Variants in KHDRBS3 observed in about 807,000 individuals in gnomAD.
KHDRBS3 encodes the protein KH domain-containing, RNA-binding, signal transduction-associated protein 3.
Under a neutral mutation model 45.6 loss-of-function variants are expected in KHDRBS3, and 23 were observed. The observed-to-expected ratio is 0.50, with a 90% CI of 0.36 to 0.72. KHDRBS3 has a LOEUF of 0.72. KHDRBS3 is among the 30% of genes least tolerant of loss of function. The probability of loss-of-function intolerance (pLI) is 0.00; values close to 1 mark genes in which losing one functional copy is unlikely to be tolerated. For synonymous variants in KHDRBS3, 162 were observed against 156.5 expected, an observed-to-expected ratio of 1.04 and a Z score of -0.26; for missense variants, 352 against 424.8, an observed-to-expected ratio of 0.83 and a Z score of 1.51.
intron 1 of KHDRBS3, among the ~76,000 whole-genome samples, chr8:135,469,826 C>G (rs1482261873): frequency 6.6e-6 from 1 of 152,164 alleles, no homozygotes; most frequent in East Asian, 1.9e-4. Flanking sequence ...CGCGCCCGGC[C>G]AGGACCACCT....
chr8:135,649,891 G>A (rs1020940946), downstream of KHDRBS3, among the ~76,000 whole-genome samples: 2 of 152,026 alleles, frequency 1.3e-5, no homozygotes, highest in Non-Finnish European at 2.9e-5. Flanking sequence ...ACCCAGAAAG[G>A]CCCAGATCAC....
intron 1 of KHDRBS3, among the ~76,000 whole-genome samples, chr8:135,501,421 G>C (rs1348275023): frequency 6.6e-6 from 1 of 152,132 alleles, no homozygotes; most frequent in African/African-American, 2.4e-5. Flanking sequence ...TTGTTTCTAT[G>C]AGTTGCAAAA....
chr8:135,474,170 G>A (rs915572200), intron 1 of KHDRBS3, among the ~76,000 whole-genome samples: 11 of 147,452 alleles, frequency 7.5e-5, no homozygotes, highest in Admixed American at 4.0e-4. Context: ...GAGTTTTGCC[G>A]TCTGTTTGAA....
chr8:135,605,484 T>C (rs576564966), intron 6 of KHDRBS3, among the ~76,000 whole-genome samples: 2 of 152,270 alleles, frequency 1.3e-5, no homozygotes, highest in South Asian at 4.1e-4. Flanking sequence ...TTGGTTCTTT[T>C]TTATGTTTTC....
intron 1 of KHDRBS3, among the ~76,000 whole-genome samples, chr8:135,499,327 A>G (rs1056670513): frequency 1.3e-5 from 2 of 152,196 alleles, no homozygotes; most frequent in Non-Finnish European, 2.9e-5. Flanking sequence ...TTTTGTCAAT[A>G]AAGAAACAGA....
chr8:135,590,617 A>G (rs1431090357), intron 6 of KHDRBS3, among the ~76,000 whole-genome samples: 1 of 152,226 alleles, frequency 6.6e-6, no homozygotes, highest in Non-Finnish European at 1.5e-5. Flanking sequence ...TTAATTGAAA[A>G]GTAAGTTACA....
At chr8:135,549,803 G>A (rs1423638326) in intron 4 of KHDRBS3, 5 of 152,158 alleles carry the variant, frequency 3.3e-5, no homozygotes, top group Non-Finnish European at 5.9e-5. Flanking sequence ...TATTATCTGT[G>A]AGGAAAACAA....
chr8:135,516,658 G>C (rs1458737895), intron 1 of KHDRBS3, among the ~76,000 whole-genome samples: 1 of 151,588 alleles, frequency 6.6e-6, no homozygotes, highest in Non-Finnish European at 1.5e-5. Flanking sequence ...TCCTCATTTT[G>C]TGCAGTAGCC....
At chr8:135,488,991 T>C (rs1053173955) in intron 1 of KHDRBS3, among the ~76,000 whole-genome samples, 1 of 152,212 alleles carries the variant, frequency 6.6e-6, no homozygotes, top group African/African-American at 2.4e-5. Context: ...CTTCTGTATT[T>C]TTCTGAAAAA....
intron 2 of KHDRBS3, chr8:135,539,067 G>A (rs540181829): frequency 6.6e-6 from 1 of 152,274 alleles, no homozygotes; most frequent in South Asian, 2.1e-4. Context: ...TTTCCCTCTA[G>A]CAGTATTTTT....
intron 2 of KHDRBS3, among the ~76,000 whole-genome samples, chr8:135,536,884 C>T (rs1029997786): frequency 3.0e-4 from 42 of 141,630 alleles, no homozygotes; most frequent in Non-Finnish European, 3.3e-4. Flanking sequence ...GGCATGAACC[C>T]GGGAAGCGGA....
rs144620171 is a variant in KHDRBS3 at position 135,612,699 on chromosome 8, A to G, written c.890+5662A>G. ...TCACTTGGCCTCCTTTTAGAGTACA[A>G]AGCTGTTCTGCAGATGTTCTTTGAC... is the stretch of plus-strand genomic sequence containing the variant. On this transcript the variant is annotated intron_variant, in intron 7 of 8. Transcript: ENST00000355849. 2.4e-3 allele frequency among the ~76,000 whole-genome samples: 368 copies of G among 151,934 alleles called. 3 individuals carry two copies. The highest frequency in any genetic ancestry group is 6.8e-3 in the Middle Eastern group (2 of 294).
At chr8:135,602,770 C>T (rs1311075722) in intron 6 of KHDRBS3, among the ~76,000 whole-genome samples, 6 of 152,126 alleles carry the variant, frequency 3.9e-5, no homozygotes, top group African/African-American at 7.2e-5. Context: ...CTTTCTGTTT[C>T]GTGCCCTCAC....
chr8:135,535,495 A>G (rs192428053), intron 2 of KHDRBS3, among the ~76,000 whole-genome samples: 36 of 150,488 alleles, frequency 2.4e-4, no homozygotes, highest in Admixed American at 8.0e-4. Context: ...TGTAGAATAT[A>G]GTTTGTTCTG....
intron 1 of KHDRBS3, among the ~76,000 whole-genome samples, chr8:135,489,697 A>G (rs184639244): frequency 1.2e-4 from 19 of 152,322 alleles, no homozygotes; most frequent in African/African-American, 4.3e-4. Context: ...ACAACAACAA[A>G]AAGTAAAACT....
Position 135,640,505 on chromosome 8 carries a change from TC to T in KHDRBS3, c.891-4552del, listed in dbSNP as rs1332564270. On this transcript the variant is annotated intron_variant, in intron 7 of 8. Transcript: ENST00000355849. ...ACTTGGTCTCAGTGCTATGATTTGT[TC>T]CTTGACACCTATCAGGAGAGGGACA... Among the ~76,000 whole-genome samples, 6 of 152,288 alleles carry T rather than the reference TC, an allele frequency of 3.9e-5. No individual in the cohort carries two copies. In the East Asian group the frequency reaches 1.2e-3, roughly 29 times the overall value.
intron 5 of KHDRBS3, among the ~76,000 whole-genome samples, chr8:135,561,541 T>TG (rs956249392): frequency 4.0e-5 from 6 of 150,210 alleles, no homozygotes; most frequent in East Asian, 1.9e-4. Flanking sequence ...AGTAATAAGT[T>TG]TTTTTTTTTT....
At chr8:135,505,227 TG>T (rs1399087185) in intron 1 of KHDRBS3, among the ~76,000 whole-genome samples, 1 of 152,208 alleles carries the variant, frequency 6.6e-6, no homozygotes, top group Non-Finnish European at 1.5e-5. Context: ...GAGTTGGAGA[TG>T]GGTCATACAT....
intron 2 of KHDRBS3, among the ~76,000 whole-genome samples, chr8:135,531,246 T>C (rs1413719373): frequency 4.6e-5 from 7 of 152,304 alleles, no homozygotes; most frequent in East Asian, 1.9e-4. Flanking sequence ...ATTATTAACG[T>C]CTAAATAAGT....
Sources: gnomAD v4.1 joint callset for allele counts (sites outside exome capture counted in the v4.1 genomes callset) on GRCh38, gnomAD v4.1.1 for gene constraint, MANE v1.5 for transcripts, NCBI Gene and HGNC (gene_info 2026-07-23, HGNC 2026-07-21) for gene names.